The following NAV3 variants were observed in gnomAD, a reference collection of about 807,000 sequenced individuals.
NAV3 encodes the protein neuron navigator 3, also known as pore membrane and/or filament interacting like protein 1.
In NAV3, 87 loss-of-function variants were observed where a neutral mutation model predicts 244.7. The ratio of observed to expected loss-of-function variants is 0.36; its 90% CI spans 0.30 to 0.42. NAV3 has a LOEUF of 0.42. NAV3 is among the 20% of genes least tolerant of loss of function. The pLI is 1.00. For missense variants in NAV3, 2,663 were observed against 2,893.3 expected (o/e 0.92, Z 1.83); for synonymous variants, 1,126 against 1,042.2 (o/e 1.08, Z -1.55).
chr12:77,746,446 A>G (rs1461393393), intron 2 of NAV3, among the ~76,000 whole-genome samples: 2 of 152,154 alleles, frequency 1.3e-5, no homozygotes, highest in Non-Finnish European at 2.9e-5. Flanking sequence ...CTGGGATGTT[A>G]AGGAGCTGTT....
chr12:78,083,118 C>A (rs780095652), intron 12 of NAV3, among the ~76,000 whole-genome samples: 1 of 152,164 alleles, frequency 6.6e-6, no homozygotes, highest in Non-Finnish European at 1.5e-5. Context: ...CTGTTAAGAG[C>A]CTTCTTGCTA....
At chr12:78,177,738 G>T in intron 28 of NAV3, 53 bp downstream of exon 28, 1 of 1,518,172 alleles carries the variant, frequency 6.6e-7, no homozygotes, top group Non-Finnish European at 9.0e-7. Context: ...TCTAACCTAA[G>T]TAGTGTTTGC....
chr12:77,995,067 A>G (rs1872129793), intron 6 of NAV3, among the ~76,000 whole-genome samples, 196 bp downstream of exon 6: 1 of 152,006 alleles, frequency 6.6e-6, no homozygotes, highest in Non-Finnish European at 1.5e-5. Context: ...GGGTTTTGGC[A>G]TCTTTTTTAG....
At chr12:77,654,803 A>G (rs1356310545) in intron 2 of NAV3, among the ~76,000 whole-genome samples, 1 of 151,078 alleles carries the variant, frequency 6.6e-6, no homozygotes, top group African/African-American at 2.5e-5. Context: ...CGGTTCATGA[A>G]AAACCACTGT....
chr12:77,734,614 T>C (rs928522178), intron 2 of NAV3, among the ~76,000 whole-genome samples: 2 of 152,162 alleles, frequency 1.3e-5, no homozygotes, highest in African/African-American at 4.8e-5. Context: ...GGCCTCAAAA[T>C]CTGCATGCAA....
chr12:77,688,673 G>A (rs983886819), intron 2 of NAV3, among the ~76,000 whole-genome samples: 46 of 151,924 alleles, frequency 3.0e-4, no homozygotes, highest in African/African-American at 1.1e-3. Flanking sequence ...GTGATGGGCA[G>A]GCTATTTATG....
chr12:78,069,253 G>A (rs1952632468), intron 12 of NAV3, among the ~76,000 whole-genome samples: 1 of 151,798 alleles, frequency 6.6e-6, no homozygotes, highest in Non-Finnish European at 1.5e-5. Flanking sequence ...TTTAGGATAA[G>A]TTGTAAATGA....
chr12:78,094,727 T>G (rs1231584333), intron 12 of NAV3, among the ~76,000 whole-genome samples: 1 of 152,066 alleles, frequency 6.6e-6, no homozygotes, highest in Non-Finnish European at 1.5e-5. Context: ...CTAACATTAG[T>G]TCCTTGTACA....
At chr12:77,843,250 G>C (rs1876004978) in intron 1 of NAV3, among the ~76,000 whole-genome samples, 1 of 151,832 alleles carries the variant, frequency 6.6e-6, no homozygotes, top group African/African-American at 2.4e-5. Flanking sequence ...CCAACAATAT[G>C]TTCTCTCAGC....
At chr12:77,636,028 TAAGTA>T (rs1472511258) in intron 2 of NAV3, among the ~76,000 whole-genome samples, 2 of 152,310 alleles carry the variant, frequency 1.3e-5, no homozygotes, top group African/African-American at 4.8e-5. Context: ...ATTGCTTTAA[TAAGTA>T]AAGTAAATCC....
intron 12 of NAV3, among the ~76,000 whole-genome samples, chr12:78,077,669 G>T (rs1953120125): frequency 6.6e-6 from 1 of 152,358 alleles, no homozygotes; most frequent in South Asian, 2.1e-4. Flanking sequence ...CAGGCACAGT[G>T]GCTCATGCCT....
At chr12:77,665,337 A>G (rs1482014701) in intron 2 of NAV3, among the ~76,000 whole-genome samples, 8 of 152,190 alleles carry the variant, frequency 5.3e-5, no homozygotes, top group African/African-American at 1.9e-4. Context: ...AAATTATAAA[A>G]ACTCCATAAT....
intron 12 of NAV3, chr12:78,088,765 A>C (rs1953769722): frequency 6.6e-6 from 1 of 152,154 alleles, no homozygotes; most frequent in Admixed American, 6.5e-5. Context: ...TGGGCTGCTT[A>C]CCCAGAATCC....
At chr12:77,886,581 C>A (rs1592898552) in intron 1 of NAV3, among the ~76,000 whole-genome samples, 1 of 152,122 alleles carries the variant, frequency 6.6e-6, no homozygotes, top group African/African-American at 2.4e-5. Context: ...CATTGTTGAA[C>A]TCATCTTTCT....
At chr12:77,968,452 T>A in intron 4 of NAV3, 67 bp from the exon 5 acceptor site, 1 of 1,223,922 alleles carries the variant, frequency 8.2e-7, no homozygotes. Context: ...GAGAAATGCA[T>A]CTAGAATTTG....
intron 1 of NAV3, among the ~76,000 whole-genome samples, chr12:77,867,959 A>G (rs1464605171): frequency 6.6e-6 from 1 of 152,170 alleles, no homozygotes; most frequent in Admixed American, 6.5e-5. Context: ...TTAGAAAGGG[A>G]AGTGGACTTA....
At chr12:77,991,645 G>A (rs1429575964) in intron 5 of NAV3, among the ~76,000 whole-genome samples, 5 of 152,054 alleles carry the variant, frequency 3.3e-5, no homozygotes, top group South Asian at 2.1e-4. Flanking sequence ...ATGAGTAAAG[G>A]CACAGAAAAA....
chr12:77,933,485 G>T (rs77099009), intron 1 of NAV3, among the ~76,000 whole-genome samples: 1 of 152,156 alleles, frequency 6.6e-6, no homozygotes, highest in Non-Finnish European at 1.5e-5. Context: ...ACCATCCACC[G>T]ATCTTATGGG....
chr12:77,815,701 C>T (rs776422205), intron 2 of NAV3, among the ~76,000 whole-genome samples: 17 of 152,224 alleles, frequency 1.1e-4, no homozygotes, highest in Middle Eastern at 3.4e-3. Context: ...ACTGAGATGT[C>T]ATAATTCATC....
Sources: gnomAD v4.1 joint callset for allele counts (sites outside exome capture counted in the v4.1 genomes callset) on GRCh38, gnomAD v4.1.1 for gene constraint, MANE v1.5 for transcripts, NCBI Gene and HGNC (gene_info 2026-07-23, HGNC 2026-07-21) for gene names.